Variants in PCDH7 observed in about 807,000 individuals in gnomAD.
PCDH7 encodes the protein protocadherin-7.
Under a neutral mutation model 58.9 loss-of-function variants are expected in PCDH7, and 17 were observed. The ratio of observed to expected loss-of-function variants is 0.29; its 90% CI spans 0.20 to 0.43. The LOEUF is 0.43. Among genes scored for constraint, PCDH7 ranks in the 20% least tolerant of loss-of-function variants. PCDH7 has a pLI of 1.00. For missense variants in PCDH7, 1,274 were observed against 1,441.0 expected, an observed-to-expected ratio of 0.88 and a Z score of 1.88; for synonymous variants, 664 against 616.4, an observed-to-expected ratio of 1.08 and a Z score of -1.14.
downstream of PCDH7, among the ~76,000 whole-genome samples, chr4:30,735,302 G>C (rs1484046024): frequency 6.6e-6 from 1 of 152,014 alleles, no homozygotes; most frequent in African/African-American, 2.4e-5. Flanking sequence ...CATGCTCACC[G>C]ATAAACTTTC....
At chr4:30,964,969 C>T (rs907046343) in intron 3 of PCDH7, among the ~76,000 whole-genome samples, 19 of 152,260 alleles carry the variant, frequency 1.2e-4, no homozygotes, top group African/African-American at 4.1e-4. Flanking sequence ...TGAGTGCTTA[C>T]GCTTTAATTC....
intron 3 of PCDH7, among the ~76,000 whole-genome samples, chr4:31,116,364 T>G (rs1716985580): frequency 6.6e-6 from 1 of 152,254 alleles, no homozygotes; most frequent in Non-Finnish European, 1.5e-5. Flanking sequence ...GTAACCAAAA[T>G]GAGCATGTGT....
chr4:30,978,682 C>T (rs573470359), intron 3 of PCDH7, among the ~76,000 whole-genome samples: 1 of 152,076 alleles, frequency 6.6e-6, no homozygotes, highest in Non-Finnish European at 1.5e-5. Flanking sequence ...ACACCATTAT[C>T]GGGCAATATT....
intron 1 of PCDH7, among the ~76,000 whole-genome samples, chr4:30,728,318 G>T (rs978989154): frequency 2.7e-5 from 4 of 147,676 alleles, no homozygotes; most frequent in Non-Finnish European, 6.0e-5. Flanking sequence ...GAGAGAGAGA[G>T]AGAGCATATA....
At chr4:30,887,743 A>G (rs1738015361) in intron 1 of PCDH7, among the ~76,000 whole-genome samples, 1 of 152,206 alleles carries the variant, frequency 6.6e-6, no homozygotes, top group African/African-American at 2.4e-5. Flanking sequence ...ACATCAGGAC[A>G]TGTAGAACAA....
At chr4:30,840,682 G>A (rs1214216390) in intron 1 of PCDH7, among the ~76,000 whole-genome samples, 1 of 152,036 alleles carries the variant, frequency 6.6e-6, no homozygotes, top group Non-Finnish European at 1.5e-5. Context: ...TATTTCTGAG[G>A]AGCAGAACAA....
intron 3 of PCDH7, among the ~76,000 whole-genome samples, chr4:30,988,128 G>T (rs1028023437): frequency 6.6e-6 from 1 of 152,068 alleles, no homozygotes; most frequent in Non-Finnish European, 1.5e-5. Context: ...ATTCAGTTTG[G>T]CCATCTGAAT....
intron 3 of PCDH7, among the ~76,000 whole-genome samples, chr4:30,979,334 A>T (rs954260895): frequency 2.0e-5 from 3 of 151,478 alleles, no homozygotes; most frequent in Non-Finnish European, 4.4e-5. Context: ...TCAAAAAAAA[A>T]AAAAAGAAAA....
intron 1 of PCDH7, among the ~76,000 whole-genome samples, chr4:30,855,706 A>G (rs969998075): frequency 6.6e-6 from 1 of 152,172 alleles, no homozygotes; most frequent in African/African-American, 2.4e-5. Context: ...ACATAGTAAT[A>G]CATTGGAGTT....
rs561484875 is a variant in PCDH7 at position 31,116,298 on chromosome 4, G to A, written c.*8-26175G>A. Among the ~76,000 whole-genome samples, 19 of 152,304 alleles carry A rather than the reference G, an allele frequency of 1.2e-4. No homozygotes were observed. In the East Asian group the frequency reaches 3.7e-3, roughly 29 times the overall value. On this transcript the variant is annotated intron_variant, in intron 3 of 3. Transcript: ENST00000509759. The stretch of plus-strand genomic sequence containing the variant: ...TCTTTAGTTTACCAAAAGTGGATTT[G>A]GTTATAAAAAGGGTCCATAAATGCT...
intron 3 of PCDH7, among the ~76,000 whole-genome samples, chr4:31,098,437 A>G (rs1459272068): frequency 6.6e-6 from 1 of 152,130 alleles, no homozygotes; most frequent in Non-Finnish European, 1.5e-5. Context: ...CCTGCCATGT[A>G]ATGTTCTTAT....
At chr4:30,977,977 A>G (rs540396090) in intron 3 of PCDH7, among the ~76,000 whole-genome samples, 4 of 152,154 alleles carry the variant, frequency 2.6e-5, no homozygotes, top group Non-Finnish European at 5.9e-5. Context: ...TATAAATCTA[A>G]AACTTTTCAG....
chr4:30,728,608 A>C lies in PCDH7; in HGVS notation c.3175-2145A>C, dbSNP rs149035444. ...ATGTCTATGAAATAAGGAAAAGGTC[A>C]TCCATTGATTTGATCCGCAATGAAT... is the stretch of plus-strand genomic sequence containing the variant. On this transcript the variant is annotated intron_variant, in intron 1 of 1. Coordinates refer to ENST00000361762, the Ensembl canonical transcript of PCDH7. Among the ~76,000 whole-genome samples, 425 of 151,922 alleles carry C rather than the reference A, an allele frequency of 2.8e-3. 6 individuals carry two copies. Among genetic ancestry groups the C allele is most frequent in the African/African-American group, 8.9e-3 (370 of 41,500 alleles).
chr4:30,864,207 C>A (rs1734575308), intron 1 of PCDH7, among the ~76,000 whole-genome samples: 1 of 151,800 alleles, frequency 6.6e-6, no homozygotes, highest in South Asian at 2.1e-4. Flanking sequence ...ACACTAGGAG[C>A]AATTAATTAC....
intron 1 of PCDH7, among the ~76,000 whole-genome samples, chr4:30,747,839 A>G (rs145265654): frequency 6.6e-6 from 1 of 152,308 alleles, no homozygotes; most frequent in African/African-American, 2.4e-5. Flanking sequence ...CATTCCCAAA[A>G]TTTGATAACC....
chr4:30,968,894 T>A (rs1161068234), intron 3 of PCDH7, among the ~76,000 whole-genome samples: 1 of 152,198 alleles, frequency 6.6e-6, no homozygotes, highest in East Asian at 1.9e-4. Flanking sequence ...TTACAATTTT[T>A]CTGTCTTCTC....
chr4:31,067,496 T>A (rs1758182391), intron 3 of PCDH7, among the ~76,000 whole-genome samples: 1 of 151,694 alleles, frequency 6.6e-6, no homozygotes, highest in African/African-American at 2.4e-5. Context: ...ATCGTGCCAG[T>A]GGTATTTCCG....
chr4:31,126,350 G>C (rs1309264538), intron 3 of PCDH7, among the ~76,000 whole-genome samples: 4 of 151,818 alleles, frequency 2.6e-5, no homozygotes, highest in Non-Finnish European at 4.4e-5. Flanking sequence ...AGTAGATAGG[G>C]GGTTTTGCCA....
intron 3 of PCDH7, among the ~76,000 whole-genome samples, chr4:30,982,069 T>C (rs1473977326): frequency 6.6e-6 from 1 of 152,226 alleles, no homozygotes; most frequent in Non-Finnish European, 1.5e-5. Flanking sequence ...AAAGTGTTCT[T>C]ACCACACAAA....
Sources: gnomAD v4.1 joint callset for allele counts (sites outside exome capture counted in the v4.1 genomes callset) on GRCh38, gnomAD v4.1.1 for gene constraint, MANE v1.5 for transcripts, NCBI Gene and HGNC (gene_info 2026-07-23, HGNC 2026-07-21) for gene names.